SGCZ: variants seen among roughly 807,000 people sequenced by gnomAD.
SGCZ encodes sarcoglycan zeta.
A neutral mutation model predicts 41.3 loss-of-function variants in SGCZ; 40 were observed. The observed-to-expected ratio is 0.97, with a 90% confidence interval of 0.75 to 1.26. SGCZ has a LOEUF of 1.26. SGCZ is among the 50% of genes most tolerant of loss of function. The pLI, the probability that SGCZ is intolerant of heterozygous loss-of-function variation, is 0.00. For missense variants in SGCZ, 552 were observed against 369.8 expected, an observed-to-expected ratio of 1.49 and a Z score of -4.04; for synonymous variants, 206 against 137.5, an observed-to-expected ratio of 1.50 and a Z score of -3.49.
intron 1 of SGCZ, among the ~76,000 whole-genome samples, chr8:15,217,280 G>T (rs1339703874): frequency 2.6e-5 from 4 of 151,572 alleles, no homozygotes; most frequent in Non-Finnish European, 5.9e-5. Context: ...AGCCGGGCGT[G>T]TTGGCGGGCG....
At chr8:14,453,084 G>A (rs1420526010) in intron 2 of SGCZ, among the ~76,000 whole-genome samples, 1 of 151,960 alleles carries the variant, frequency 6.6e-6, no homozygotes, top group African/African-American at 2.4e-5. Flanking sequence ...CTCTAGCCTG[G>A]GTGACAGAGC....
intron 1 of SGCZ, among the ~76,000 whole-genome samples, chr8:15,165,150 C>T (rs1187076851): frequency 2.0e-5 from 3 of 152,140 alleles, no homozygotes; most frequent in South Asian, 2.1e-4. Flanking sequence ...ATTAGCCAGG[C>T]GTGGTGGTAC....
intron 2 of SGCZ, among the ~76,000 whole-genome samples, chr8:14,451,409 TA>T (rs1221111372): frequency 1.3e-5 from 2 of 152,198 alleles, no homozygotes; most frequent in African/African-American, 4.8e-5. Flanking sequence ...GAAATTTCAT[TA>T]AACTAAGAAA....
chr8:14,340,924 A>G (rs905511641), intron 2 of SGCZ, among the ~76,000 whole-genome samples: 7 of 152,068 alleles, frequency 4.6e-5, no homozygotes, highest in Admixed American at 1.3e-4. Flanking sequence ...CATTATACCC[A>G]TTAAACAACA....
At chr8:14,334,836 ACTT>A (rs1802456850) in intron 2 of SGCZ, among the ~76,000 whole-genome samples, 1 of 152,140 alleles carries the variant, frequency 6.6e-6, no homozygotes, top group Non-Finnish European at 1.5e-5. Context: ...TCACTTTTTT[ACTT>A]CTTCATATAT....
intron 3 of SGCZ, among the ~76,000 whole-genome samples, chr8:14,268,572 G>A (rs574064796): frequency 1.3e-5 from 2 of 151,764 alleles, no homozygotes; most frequent in African/African-American, 4.8e-5. Flanking sequence ...TTAGGGGATA[G>A]TATTTAAACA....
At chr8:14,617,410 G>A (rs939824896) in intron 1 of SGCZ, among the ~76,000 whole-genome samples, 1 of 151,998 alleles carries the variant, frequency 6.6e-6, no homozygotes, top group Non-Finnish European at 1.5e-5. Flanking sequence ...AAATTATCAC[G>A]TTTCATTTAT....
chr8:14,431,467 TG>T (rs1281146120), intron 2 of SGCZ, among the ~76,000 whole-genome samples: 1 of 112,300 alleles, frequency 8.9e-6, no homozygotes, highest in Non-Finnish European at 2.3e-5. Flanking sequence ...CAATTAGTGC[TG>T]GGAAAATTGG....
intron 1 of SGCZ, among the ~76,000 whole-genome samples, chr8:14,661,118 A>G (rs2117483055): frequency 6.6e-6 from 1 of 152,268 alleles, no homozygotes; most frequent in South Asian, 2.1e-4. Flanking sequence ...AAATGCATTT[A>G]TGGAAACATC....
intron 1 of SGCZ, among the ~76,000 whole-genome samples, chr8:14,922,225 C>G (rs1169801927): frequency 6.6e-6 from 1 of 151,854 alleles, no homozygotes; most frequent in Non-Finnish European, 1.5e-5. Context: ...GTACGACTGT[C>G]CTTCCTTGTG....
At chr8:14,367,024 G>A (rs1312180924) in intron 2 of SGCZ, among the ~76,000 whole-genome samples, 2 of 152,000 alleles carry the variant, frequency 1.3e-5, no homozygotes, top group East Asian at 3.9e-4. Context: ...CTTTTCTACT[G>A]CATTGTCAGG....
intron 1 of SGCZ, among the ~76,000 whole-genome samples, chr8:14,794,585 T>A (rs1044478085): frequency 1.3e-5 from 2 of 152,162 alleles, no homozygotes; most frequent in African/African-American, 4.8e-5. Flanking sequence ...GCAACATTCA[T>A]ATAAAAGTAT....
At chr8:14,348,203 T>C (rs193228461) in intron 2 of SGCZ, among the ~76,000 whole-genome samples, 255 of 152,228 alleles carry the variant, frequency 1.7e-3, no homozygotes, top group Non-Finnish European at 2.9e-3. Context: ...TGCAGACCTT[T>C]ATCCTGCACC....
At chr8:14,474,444 A>G (rs904182294) in intron 2 of SGCZ, among the ~76,000 whole-genome samples, 6 of 152,216 alleles carry the variant, frequency 3.9e-5, no homozygotes, top group Non-Finnish European at 8.8e-5. Flanking sequence ...AAGTGATGCT[A>G]AAAATTAGTT....
intron 2 of SGCZ, among the ~76,000 whole-genome samples, chr8:14,340,329 T>C (rs1802658348): frequency 6.6e-6 from 1 of 152,132 alleles, no homozygotes; most frequent in Admixed American, 6.5e-5. Context: ...CATACTCTGG[T>C]TAGTTATGAT....
At chr8:15,144,564 C>T (rs1798987086) in intron 1 of SGCZ, among the ~76,000 whole-genome samples, 1 of 151,912 alleles carries the variant, frequency 6.6e-6, no homozygotes, top group African/African-American at 2.4e-5. Context: ...CGGGTTCAAG[C>T]GATTCTCCTG....
chr8:14,383,138 G>A (rs777029835), intron 2 of SGCZ, among the ~76,000 whole-genome samples: 25 of 152,190 alleles, frequency 1.6e-4, no homozygotes, highest in African/African-American at 7.2e-5. Context: ...AAAGTCTGCA[G>A]TAGATATCAG....
intron 3 of SGCZ, among the ~76,000 whole-genome samples, chr8:14,303,141 A>T (rs1430477507): frequency 6.6e-6 from 1 of 152,194 alleles, no homozygotes; most frequent in Admixed American, 6.5e-5. Context: ...TATAAAAGAA[A>T]ATAAACGTAT....
chr8:14,631,920 C>G (rs942812323), intron 1 of SGCZ, among the ~76,000 whole-genome samples: 4 of 152,090 alleles, frequency 2.6e-5, no homozygotes, highest in African/African-American at 9.7e-5. Context: ...TTAACTGAAA[C>G]ATATCTTAGT....
Sources: gnomAD v4.1 joint callset for allele counts (sites outside exome capture counted in the v4.1 genomes callset) on GRCh38, gnomAD v4.1.1 for gene constraint, MANE v1.5 for transcripts, NCBI Gene and HGNC (gene_info 2026-07-23, HGNC 2026-07-21) for gene names.